VPS13B: variants seen among roughly 807,000 people sequenced by gnomAD.
The protein encoded by VPS13B is vacuolar protein sorting 13 homolog B.
A neutral mutation model predicts 426.4 loss-of-function variants in VPS13B; 285 were observed. The ratio of observed to expected loss-of-function variants is 0.67; its 90% CI spans 0.61 to 0.74. The LOEUF (loss-of-function observed/expected upper bound fraction) is 0.74. VPS13B is among the 30% of genes least tolerant of loss of function. The pLI, the probability that VPS13B is intolerant of heterozygous loss-of-function variation, is 0.00. For synonymous variants in VPS13B, 1,676 were observed against 1,676.4 expected (o/e 1.00, Z 0.01); for missense variants, 4,537 against 4,782.6 (o/e 0.95, Z 1.51).
chr8:99,115,641 G>GT (rs1847619224), intron 6 of VPS13B, 59 bp from the exon 7 acceptor site: 1 of 1,544,880 alleles, frequency 6.5e-7, no homozygotes. Flanking sequence ...ATTTCTTTAT[G>GT]TAAAAAATAC....
At chr8:99,500,066 T>G (rs768128284) in intron 25 of VPS13B, among the ~76,000 whole-genome samples, 1 of 152,154 alleles carries the variant, frequency 6.6e-6, no homozygotes, top group Non-Finnish European at 1.5e-5. Flanking sequence ...TGGTTTGTTT[T>G]GTACAGGATT....
At chr8:99,616,273 T>C (rs1828081525) in intron 33 of VPS13B, among the ~76,000 whole-genome samples, 1 of 152,144 alleles carries the variant, frequency 6.6e-6, no homozygotes, top group South Asian at 2.1e-4. Flanking sequence ...ATGTTTACTA[T>C]GCCAGATAAT....
At chr8:99,273,054 T>A (rs1245396094) in intron 17 of VPS13B, among the ~76,000 whole-genome samples, 1 of 152,158 alleles carries the variant, frequency 6.6e-6, no homozygotes, top group African/African-American at 2.4e-5. Context: ...TTCAGGACAC[T>A]TCTGCTCCCA....
chr8:99,484,606 A>G (rs901791794), intron 25 of VPS13B, among the ~76,000 whole-genome samples: 7 of 152,122 alleles, frequency 4.6e-5, no homozygotes, highest in African/African-American at 1.7e-4. Context: ...AACAATGACT[A>G]TGTTTTCTTA....
intron 8 of VPS13B, among the ~76,000 whole-genome samples, chr8:99,133,036 G>A (rs144198678): frequency 9.9e-4 from 151 of 152,298 alleles, no homozygotes; most frequent in Non-Finnish European, 1.3e-3. Flanking sequence ...GCATCCGCCT[G>A]TATTTTGAAG....
chr8:99,476,276 A>G (rs1159449667), intron 24 of VPS13B, among the ~76,000 whole-genome samples: 1 of 152,210 alleles, frequency 6.6e-6, no homozygotes, highest in Non-Finnish European at 1.5e-5. Context: ...GATATCTTCA[A>G]GTGAGAGATT....
chr8:99,476,515 A>C (rs1442598128), intron 24 of VPS13B, among the ~76,000 whole-genome samples: 1 of 152,054 alleles, frequency 6.6e-6, no homozygotes, highest in Non-Finnish European at 1.5e-5. Context: ...CCATATCTAC[A>C]TACCTCATAA....
chr8:99,098,703 GT>G (rs950793873), intron 4 of VPS13B, among the ~76,000 whole-genome samples: 27 of 152,152 alleles, frequency 1.8e-4, no homozygotes, highest in African/African-American at 5.8e-4. Flanking sequence ...AAATTACTCT[GT>G]GGAAAGTTTG....
At chr8:99,684,840 G>C (rs550173069) in intron 35 of VPS13B, among the ~76,000 whole-genome samples, 130 of 152,326 alleles carry the variant, frequency 8.5e-4, no homozygotes, top group Non-Finnish European at 1.5e-3. Flanking sequence ...GTCTTGCTCT[G>C]TCGCCCAGGC....
chr8:99,693,218 C>G (rs1268101573), intron 35 of VPS13B, among the ~76,000 whole-genome samples: 1 of 150,984 alleles, frequency 6.6e-6, no homozygotes, highest in Non-Finnish European at 1.5e-5. Context: ...ATTCTGATAC[C>G]AAAGCCGGGC....
chr8:99,779,075 CT>C, intron 42 of VPS13B, 44 bp downstream of exon 42: 1 of 1,541,344 alleles, frequency 6.5e-7, no homozygotes, highest in Non-Finnish European at 9.0e-7. Context: ...CACATATGAT[CT>C]TTTATTAGGT....
intron 35 of VPS13B, among the ~76,000 whole-genome samples, chr8:99,689,937 A>G (rs1831579128): frequency 6.6e-6 from 1 of 152,222 alleles, no homozygotes; most frequent in African/African-American, 2.4e-5. Context: ...TATACACCCA[A>G]GAAAAAGACA....
In VPS13B at chr8:99,082,722, G is replaced by C. The variant is rs566837860; in HGVS notation, c.292-13590G>C. ...AGCACCATTTATTAAATAGGGAATCGTTTCCCCATTTCTTGTTTTTGTCAG... is the reference window on the plus strand; with the variant it reads ...AGCACCATTTATTAAATAGGGAATCCTTTCCCCATTTCTTGTTTTTGTCAG... On this transcript the variant is annotated intron_variant, in intron 3 of 61. Transcript: ENST00000357162. Among the ~76,000 whole-genome samples the C allele has an allele frequency of 2.9e-4, 44 of 152,200 alleles. No individual in the cohort carries two copies. In the East Asian group the frequency reaches 4.4e-3, roughly 15 times the overall value.
chr8:99,149,499 G>T (rs1249987001), intron 14 of VPS13B, among the ~76,000 whole-genome samples: 1 of 152,068 alleles, frequency 6.6e-6, no homozygotes, highest in African/African-American at 2.4e-5. Flanking sequence ...TGTATTTTTA[G>T]TAGAGACAGG....
chr8:99,141,269 A>G (rs1810404860), intron 12 of VPS13B, among the ~76,000 whole-genome samples: 1 of 152,190 alleles, frequency 6.6e-6, no homozygotes. Flanking sequence ...CAGACAAGCC[A>G]TGGTATCTAA....
chr8:99,759,722 A>G (rs1159114588), intron 39 of VPS13B, among the ~76,000 whole-genome samples: 1 of 152,184 alleles, frequency 6.6e-6, no homozygotes, highest in Non-Finnish European at 1.5e-5. Flanking sequence ...TACCCATCCC[A>G]GTAAATGACA....
At chr8:99,673,024 C>T (rs887134704) in intron 35 of VPS13B, among the ~76,000 whole-genome samples, 70 of 151,950 alleles carry the variant, frequency 4.6e-4, no homozygotes, top group African/African-American at 1.5e-3. Context: ...TTTTAAATTC[C>T]GTCTACTACT....
chr8:99,847,466 A>G (rs537945481), intron 54 of VPS13B, among the ~76,000 whole-genome samples: 44 of 152,340 alleles, frequency 2.9e-4, no homozygotes, highest in African/African-American at 1.0e-3. Context: ...TTTAAGCTGT[A>G]TGCACCAGGA....
chr8:99,633,836 T>TGTGTGTGTGTGTGTGTGTGTGTGTGC (rs1432874227), intron 33 of VPS13B, among the ~76,000 whole-genome samples: 1 of 151,334 alleles, frequency 6.6e-6, no homozygotes, highest in African/African-American at 2.4e-5. Context: ...TGTGTGTGTG[T>TGTGTGTGTGTGTGTGTGTGTGTGTGC]GTGCGTGTTT....
Sources: allele counts gnomAD v4.1 joint callset (sites outside exome capture counted in the v4.1 genomes callset), GRCh38; gene constraint gnomAD v4.1.1; transcripts MANE v1.5; gene names NCBI Gene and HGNC (gene_info 2026-07-23, HGNC 2026-07-21).